The following ACTR3C variants were observed in gnomAD, a reference collection of about 807,000 sequenced individuals.
The protein encoded by ACTR3C is actin related protein 3C.
Under a neutral mutation model 26.3 loss-of-function variants are expected in ACTR3C, and 18 were observed. That is an observed-to-expected ratio of 0.68 (90% CI 0.47 to 1.01). ACTR3C has a LOEUF of 1.01. Among genes scored for constraint, ACTR3C ranks in the 50% least tolerant of loss-of-function variants. ACTR3C has a pLI of 0.00. For synonymous variants in ACTR3C, 55 were observed against 94.5 expected (o/e 0.58, Z 2.42); for missense variants, 184 against 250.7 (o/e 0.73, Z 1.80).
the ACTR3C span, among the ~76,000 whole-genome samples, chr7:149,920,028 G>A: frequency 6.6e-6 from 1 of 150,612 alleles, no homozygotes; most frequent in African/African-American, 2.5e-5. Context: ...GGTTGAGTCG[G>A]TATTTATTCA....
the ACTR3C span, among the ~76,000 whole-genome samples, chr7:150,176,312 G>T: frequency 1.2e-4 from 18 of 150,316 alleles, 1 homozygote; most frequent in African/African-American, 4.5e-4. Flanking sequence ...ATGACTAGTT[G>T]CTCCGTAGAA....
the ACTR3C span, chr7:150,000,905 G>A: frequency 0.56 from 69,513 of 125,216 alleles, 15,757 homozygotes; most frequent in South Asian, 0.66. Flanking sequence ...AGTGACACCC[G>A]CACCCTCCCT....
At chr7:150,085,965 TTTTC>T in the ACTR3C span, among the ~76,000 whole-genome samples, 1,021 of 151,730 alleles carry the variant, frequency 6.7e-3, 14 homozygotes, top group African/African-American at 0.024. Context: ...ATGATTTTTT[TTTTC>T]TTTTTTCTTT....
the ACTR3C span, among the ~76,000 whole-genome samples, chr7:150,142,303 C>A: frequency 6.6e-6 from 1 of 152,172 alleles, no homozygotes; most frequent in Non-Finnish European, 1.5e-5. Context: ...CGTGTTAGAA[C>A]CGCAACAACT....
chr7:150,210,962 A>G, the ACTR3C span, among the ~76,000 whole-genome samples: 2 of 149,184 alleles, frequency 1.3e-5, no homozygotes, highest in Non-Finnish European at 2.9e-5. Flanking sequence ...AAGAGGTAAT[A>G]ATCTTCTTTT....
intron 6 of ACTR3C, among the ~76,000 whole-genome samples, chr7:150,267,706 G>A (rs1834144552): frequency 6.6e-6 from 1 of 152,150 alleles, no homozygotes; most frequent in South Asian, 2.1e-4. Context: ...CAGAGGGTGT[G>A]GTACCATCTA....
the ACTR3C span, among the ~76,000 whole-genome samples, chr7:150,033,606 C>A: frequency 6.6e-6 from 1 of 151,914 alleles, no homozygotes; most frequent in Non-Finnish European, 1.5e-5. Context: ...GAGGTGCCTC[C>A]CCCCGCTGCA....
At chr7:150,311,640 G>T (rs1156849944) in intron 1 of ACTR3C, among the ~76,000 whole-genome samples, 5 of 152,148 alleles carry the variant, frequency 3.3e-5, no homozygotes, top group Middle Eastern at 3.2e-3. Flanking sequence ...AATACACATA[G>T]CATCTTCCCC....
the ACTR3C span, among the ~76,000 whole-genome samples, chr7:149,909,031 C>T: frequency 1.3e-5 from 2 of 151,698 alleles, no homozygotes; most frequent in African/African-American, 4.8e-5. Context: ...ATCCACCCGC[C>T]TCAGCCTCCC....
chr7:150,252,057 C>A lies in ACTR3C; in HGVS notation c.565-3003G>T, dbSNP rs1386645410. 2.0e-5 allele frequency among the ~76,000 whole-genome samples: 3 copies of A among 151,918 alleles called. No homozygotes were observed. In the South Asian group the frequency reaches 6.2e-4, roughly 32 times the overall value. ...AGAATTGACACCACCTCTTTTTAAGCGCTTTAACTTCGACATTTCAATTTG... is the reference window on the plus strand; with the variant it reads ...AGAATTGACACCACCTCTTTTTAAGAGCTTTAACTTCGACATTTCAATTTG... On this transcript the variant is annotated intron_variant, in intron 6 of 7. Transcript: ENST00000683684.
At chr7:150,209,505 G>A in the ACTR3C span, among the ~76,000 whole-genome samples, 6 of 150,542 alleles carry the variant, frequency 4.0e-5, no homozygotes, top group South Asian at 4.2e-4. Context: ...GATCCATTTC[G>A]AGTTAATATT....
the ACTR3C span, among the ~76,000 whole-genome samples, chr7:150,087,182 TAAAAAAAAAAA>T: frequency 7.7e-6 from 1 of 129,402 alleles, no homozygotes; most frequent in African/African-American, 3.0e-5. Context: ...TGAATTTGTT[TAAAAAAAAAAA>T]AAAAAAAAAA....
intron 1 of ACTR3C, among the ~76,000 whole-genome samples, chr7:150,297,633 C>T (rs1463766333): frequency 1.3e-5 from 2 of 152,170 alleles, no homozygotes; most frequent in African/African-American, 4.8e-5. Flanking sequence ...GGGCGGATCA[C>T]CTGAGGTCAG....
chr7:150,023,053 C>G, the ACTR3C span, among the ~76,000 whole-genome samples: 1 of 150,648 alleles, frequency 6.6e-6, no homozygotes, highest in Admixed American at 6.6e-5. Flanking sequence ...CCCTATTTCC[C>G]CGAAGGTTAT....
At chr7:149,884,272 A>C in the ACTR3C span, among the ~76,000 whole-genome samples, 1 of 152,198 alleles carries the variant, frequency 6.6e-6, no homozygotes, top group African/African-American at 2.4e-5. Flanking sequence ...CTGGAAGATG[A>C]GGGCAGATGA....
At chr7:149,965,698 A>T in the ACTR3C span, among the ~76,000 whole-genome samples, 1 of 152,240 alleles carries the variant, frequency 6.6e-6, no homozygotes, top group Non-Finnish European at 1.5e-5. Context: ...AAAACTGCAT[A>T]TCACACCCCT....
chr7:150,214,579 A>G, the ACTR3C span, among the ~76,000 whole-genome samples: 1 of 151,874 alleles, frequency 6.6e-6, no homozygotes, highest in Non-Finnish European at 1.5e-5. Context: ...AAGCAATATA[A>G]GCTGTATAAA....
At chr7:149,996,715 T>C in the ACTR3C span, among the ~76,000 whole-genome samples, 107 of 148,974 alleles carry the variant, frequency 7.2e-4, no homozygotes, top group African/African-American at 2.3e-3. Flanking sequence ...AATGGCATCT[T>C]AAACTTTACA....
chr7:149,892,250 A>T, the ACTR3C span: 1 of 1,433,062 alleles, frequency 7.0e-7, no homozygotes, highest in Non-Finnish European at 9.6e-7. Flanking sequence ...CACTTAGAGA[A>T]GCAGACACCT....
Sources: allele counts gnomAD v4.1 joint callset (sites outside exome capture counted in the v4.1 genomes callset), GRCh38; gene constraint gnomAD v4.1.1; transcripts MANE v1.5; gene names NCBI Gene and HGNC (gene_info 2026-07-23, HGNC 2026-07-21).